The following ITGAV variants were observed in gnomAD, a reference collection of about 807,000 sequenced individuals.
ITGAV encodes the protein integrin alpha-V.
In ITGAV, 76 loss-of-function variants were observed where a neutral mutation model predicts 143.8. That is an observed-to-expected ratio of 0.53 (90% CI 0.44 to 0.64). ITGAV has a LOEUF of 0.64. Among genes scored for constraint, ITGAV ranks in the 30% least tolerant of loss-of-function variants. The pLI is 0.00. For synonymous variants in ITGAV, 453 were observed against 446.7 expected (o/e 1.01, Z -0.18); for missense variants, 1,193 against 1,274.7 (o/e 0.94, Z 0.98).
intron 18 of ITGAV, among the ~76,000 whole-genome samples, chr2:186,660,950 A>T (rs1283814694): frequency 6.6e-6 from 1 of 152,124 alleles, no homozygotes; most frequent in Non-Finnish European, 1.5e-5. Context: ...CAGTCATTGG[A>T]TTAGGGCCCA....
chr2:186,633,221 T>C (rs1687862152), intron 5 of ITGAV, 108 bp from the exon 6 acceptor site: 1 of 511,594 alleles, frequency 2.0e-6, no homozygotes. Flanking sequence ...ACTGTATTGT[T>C]CAGTCATGTA....
chr2:186,633,920 C>T (rs1013293219), intron 6 of ITGAV, among the ~76,000 whole-genome samples: 42 of 151,940 alleles, frequency 2.8e-4, no homozygotes, highest in Non-Finnish European at 4.9e-4. Context: ...CCCAGCTACT[C>T]GGGAGGTTGA....
chr2:186,615,549 G>A (rs879933560), intron 2 of ITGAV, among the ~76,000 whole-genome samples: 5 of 152,016 alleles, frequency 3.3e-5, no homozygotes, highest in Non-Finnish European at 5.9e-5. Flanking sequence ...GCATTTACCC[G>A]ATGATGAATA....
intron 2 of ITGAV, among the ~76,000 whole-genome samples, chr2:186,603,049 C>T (rs1686957835): frequency 6.6e-6 from 1 of 152,036 alleles, no homozygotes; most frequent in Non-Finnish European, 1.5e-5. Context: ...AGAAAAATAG[C>T]ATGTGTAAGA....
chr2:186,651,188 A>T (rs1208632189), intron 14 of ITGAV, among the ~76,000 whole-genome samples: 1 of 152,232 alleles, frequency 6.6e-6, no homozygotes, highest in East Asian at 1.9e-4. Context: ...CATGGCAGGA[A>T]CACTAACATT....
Position 186,661,456 on chromosome 2 carries a change from A to G in ITGAV, c.1857+2281A>G, listed in dbSNP as rs546382201. 1.7e-4 allele frequency among the ~76,000 whole-genome samples: 26 copies of G among 152,232 alleles called. No homozygotes were observed. In the East Asian group the frequency reaches 4.0e-3, roughly 24 times the overall value. On this transcript the variant is annotated intron_variant, in intron 18 of 29. Transcript: ENST00000261023. Reference sequence around the variant, plus strand: ...CACATGAGGCTTGCGAGCGGTTACTATATTGGACAATGCAGTTCTAGTGTT... The same window carrying G: ...CACATGAGGCTTGCGAGCGGTTACTGTATTGGACAATGCAGTTCTAGTGTT...
At chr2:186,591,418 T>C (rs1686612456) in intron 1 of ITGAV, among the ~76,000 whole-genome samples, 1 of 152,240 alleles carries the variant, frequency 6.6e-6, no homozygotes, top group African/African-American at 2.4e-5. Context: ...AGTACTGTTT[T>C]AATGAATGTT....
chr2:186,619,860 C>T (rs932649114), intron 2 of ITGAV, among the ~76,000 whole-genome samples: 53 of 151,956 alleles, frequency 3.5e-4, no homozygotes, highest in South Asian at 2.1e-4. Context: ...GGCGTGGTGG[C>T]GTGTGCCTGT....
At chr2:186,595,813 C>T (rs538313401) in intron 1 of ITGAV, among the ~76,000 whole-genome samples, 6 of 152,114 alleles carry the variant, frequency 3.9e-5, no homozygotes, top group Admixed American at 2.6e-4. Flanking sequence ...TTCAGATTTA[C>T]ACTGCTAATC....
chr2:186,665,635 A>T (rs1688875987), intron 21 of ITGAV, among the ~76,000 whole-genome samples: 1 of 152,198 alleles, frequency 6.6e-6, no homozygotes, highest in Admixed American at 6.5e-5. Context: ...CAGTTAAATC[A>T]GGCTCCCCTT....
intron 1 of ITGAV, among the ~76,000 whole-genome samples, chr2:186,598,563 G>A (rs190269891): frequency 1.3e-4 from 20 of 150,138 alleles, no homozygotes; most frequent in East Asian, 1.0e-3. Flanking sequence ...TCAGCCTCCC[G>A]AGTAGCTGGG....
In ITGAV at chr2:186,607,570, A is replaced by G. The variant is rs1687102476; in HGVS notation, c.316+5419A>G. Among the ~76,000 whole-genome samples, 4 of 152,232 alleles carry G rather than the reference A, an allele frequency of 2.6e-5. No individual in the cohort carries two copies. In the South Asian group the frequency reaches 8.3e-4, roughly 32 times the overall value. ...AGACATAAAGCTTAGACTCTTACTC[A>G]TATGTGTGTGGACAAAAAAAAATCT... On this transcript the variant is annotated intron_variant, in intron 2 of 29. Coordinates refer to ENST00000261023, the MANE Select transcript of ITGAV (RefSeq NM_002210.5).
chr2:186,610,883 G>GA (rs954144254), intron 2 of ITGAV, among the ~76,000 whole-genome samples: 3 of 152,126 alleles, frequency 2.0e-5, no homozygotes, highest in Admixed American at 1.3e-4. Context: ...AGCAAACCTA[G>GA]ACTGCTCATG....
chr2:186,647,511 C>T (rs1054356499), intron 13 of ITGAV, among the ~76,000 whole-genome samples: 1 of 152,146 alleles, frequency 6.6e-6, no homozygotes, highest in African/African-American at 2.4e-5. Flanking sequence ...GTTGGGAATA[C>T]AGGCGTGAGC....
At chr2:186,642,969 T>C (rs1688150711) in intron 12 of ITGAV, among the ~76,000 whole-genome samples, 1 of 152,256 alleles carries the variant, frequency 6.6e-6, no homozygotes, top group East Asian at 1.9e-4. Context: ...TAATAAAATG[T>C]GAAAAGAACA....
At chr2:186,618,785 A>G (rs74269789) in intron 2 of ITGAV, among the ~76,000 whole-genome samples, 41 of 152,352 alleles carry the variant, frequency 2.7e-4, no homozygotes, top group East Asian at 2.1e-3. Context: ...AGCATGGCAT[A>G]AAAGCTCTTG....
intron 26 of ITGAV, among the ~76,000 whole-genome samples, chr2:186,674,010 C>G (rs935430329): frequency 6.6e-6 from 1 of 152,098 alleles, no homozygotes; most frequent in Non-Finnish European, 1.5e-5. Flanking sequence ...GTCTTATTCT[C>G]TCATCCATGC....
intron 2 of ITGAV, among the ~76,000 whole-genome samples, chr2:186,612,819 A>G (rs544590604): frequency 2.0e-5 from 3 of 152,268 alleles, no homozygotes; most frequent in African/African-American, 7.2e-5. Flanking sequence ...TGTCCTGTAA[A>G]CTAAAAAGTT....
chr2:186,662,187 T>C (rs1456291300), intron 18 of ITGAV, among the ~76,000 whole-genome samples: 1 of 152,192 alleles, frequency 6.6e-6, no homozygotes, highest in Non-Finnish European at 1.5e-5. Context: ...ACATACCTTA[T>C]CACTAGTTAA....
Sources: allele counts gnomAD v4.1 joint callset (sites outside exome capture counted in the v4.1 genomes callset), GRCh38; gene constraint gnomAD v4.1.1; transcripts MANE v1.5; gene names NCBI Gene and HGNC (gene_info 2026-07-23, HGNC 2026-07-21).